The following SFMBT2 variants were observed in gnomAD, a reference collection of about 807,000 sequenced individuals.
The protein encoded by SFMBT2 is scm-like with four MBT domains protein 2.
A neutral mutation model predicts 110.1 loss-of-function variants in SFMBT2; 38 were observed. The observed-to-expected ratio is 0.35, with a 90% CI of 0.27 to 0.45. The LOEUF (loss-of-function observed/expected upper bound fraction) is 0.45, where lower values mean the gene tolerates loss of function less well. SFMBT2 is among the 20% of genes least tolerant of loss of function. The pLI is 1.00. For synonymous variants in SFMBT2, 425 were observed against 425.4 expected, an observed-to-expected ratio of 1.00 and a Z score of 0.01; for missense variants, 1,011 against 1,094.9, an observed-to-expected ratio of 0.92 and a Z score of 1.08.
Position 7,315,024 on chromosome 10 carries a change from GAGAA to G in SFMBT2, c.437-29074_437-29071del, listed in dbSNP as rs1224378774. Among the ~76,000 whole-genome samples the G allele has an allele frequency of 7.7e-5, 9 of 117,454 alleles. No individual in the cohort carries two copies. In the South Asian group the frequency reaches 7.9e-4, roughly 10 times the overall value. 77.1% of individuals were successfully genotyped at this position (117,454 alleles called of 152,430 possible). A position where few individuals can be genotyped will look rare whatever the true frequency, so the allele number is the denominator to read the frequency against. ...AAAAGAAAGAAAGAAAGAAAAGAGA[GAGAA>G]AGAAAGAAAGAGAAAGAAAGAAAGA... On this transcript the variant is annotated intron_variant, in intron 4 of 20. Coordinates refer to ENST00000397167, the MANE Select transcript of SFMBT2 (RefSeq NM_001387889.1).
At chr10:7,177,800 A>G (rs530819995) in intron 16 of SFMBT2, among the ~76,000 whole-genome samples, 1 of 152,108 alleles carries the variant, frequency 6.6e-6, no homozygotes, top group South Asian at 2.1e-4. Flanking sequence ...CAAGGCTGCA[A>G]TAAGCTATGA....
At chr10:7,227,770 C>T in intron 10 of SFMBT2, 85 bp downstream of exon 10, 1 of 1,176,750 alleles carries the variant, frequency 8.5e-7, no homozygotes, top group South Asian at 1.3e-5. Context: ...TCCAACCGTG[C>T]TTCATCAATA....
intron 1 of SFMBT2, among the ~76,000 whole-genome samples, chr10:7,383,215 G>A (rs886432244): frequency 6.6e-6 from 1 of 152,132 alleles, no homozygotes; most frequent in Non-Finnish European, 1.5e-5. Context: ...GAAGATTCAT[G>A]CCAGGTGCAG....
At chr10:7,366,061 G>C (rs990042662) in intron 4 of SFMBT2, among the ~76,000 whole-genome samples, 2 of 152,182 alleles carry the variant, frequency 1.3e-5, no homozygotes, top group Non-Finnish European at 2.9e-5. Flanking sequence ...GATAGGGTGT[G>C]ACCTGGCCCA....
chr10:7,361,466 T>C (rs1844716128), intron 4 of SFMBT2, among the ~76,000 whole-genome samples: 1 of 152,180 alleles, frequency 6.6e-6, no homozygotes, highest in African/African-American at 2.4e-5. Context: ...ACAGTAAAAA[T>C]GGCAATTCCC....
At chr10:7,174,121 C>T (rs575914435) in intron 17 of SFMBT2, among the ~76,000 whole-genome samples, 281 of 152,354 alleles carry the variant, frequency 1.8e-3, no homozygotes, top group Middle Eastern at 0.01. Context: ...TCCGGGAGCC[C>T]CGGCCTGTTC....
chr10:7,298,527 A>G (rs970246203), intron 4 of SFMBT2, among the ~76,000 whole-genome samples: 1 of 152,182 alleles, frequency 6.6e-6, no homozygotes, highest in Non-Finnish European at 1.5e-5. Context: ...ACTCATCAAC[A>G]GGTCTGGGAT....
intron 17 of SFMBT2, among the ~76,000 whole-genome samples, chr10:7,175,243 C>A (rs1838017634): frequency 6.6e-6 from 1 of 152,202 alleles, no homozygotes; most frequent in African/African-American, 2.4e-5. Context: ...AGGGAGAGAA[C>A]AGGACTCAGG....
chr10:7,196,436 C>T (rs559994227), intron 15 of SFMBT2, among the ~76,000 whole-genome samples: 58 of 152,338 alleles, frequency 3.8e-4, no homozygotes, highest in Middle Eastern at 3.4e-3. Flanking sequence ...ACACACTCTG[C>T]CTAAGCCAGA....
chr10:7,181,302 C>T (rs1838241370), intron 16 of SFMBT2, among the ~76,000 whole-genome samples: 1 of 150,790 alleles, frequency 6.6e-6, no homozygotes, highest in Non-Finnish European at 1.5e-5. Context: ...CAAAATACTC[C>T]AAATTCTGAA....
chr10:7,283,792 T>C, intron 6 of SFMBT2, 112 bp downstream of exon 6: 1 of 798,314 alleles, frequency 1.3e-6, no homozygotes, highest in South Asian at 1.7e-5. Context: ...AATATTCACA[T>C]ACTCAGATAT....
At position 7,302,854 on chromosome 10, in the gene SFMBT2, T is replaced by A. The variant is rs573252522; in HGVS notation, c.437-16900A>T. Among the ~76,000 whole-genome samples, 53 of 152,280 alleles carry A rather than the reference T, an allele frequency of 3.5e-4. No homozygotes were observed. The South Asian group carries it at 0.011, about 31-fold the overall frequency. On this transcript the variant is annotated intron_variant, in intron 4 of 20. Coordinates refer to ENST00000397167, the MANE Select transcript of SFMBT2 (RefSeq NM_001387889.1). ...GTATTTGAATAACTGACTCCCTCAC[T>A]CTCTCTCTCTTTTTCTTTCTTATCA... is the stretch of plus-strand genomic sequence containing the variant.
chr10:7,180,239 C>T lies in SFMBT2; in HGVS notation c.1809-4074G>A, dbSNP rs545644226. 1.7e-3 allele frequency among the ~76,000 whole-genome samples: 256 copies of T among 152,268 alleles called. 3 individuals carry two copies. Among genetic ancestry groups the T allele is most frequent in the African/African-American group, 5.8e-3 (240 of 41,528 alleles). On this transcript the variant is annotated intron_variant, in intron 16 of 20. Coordinates refer to ENST00000397167, the MANE Select transcript of SFMBT2 (RefSeq NM_001387889.1). ...TCCTGGGTTCTAGCGATTCTCATGC[C>T]TCAGCCTCCTGAGTCACTGGGAATA...
intron 4 of SFMBT2, among the ~76,000 whole-genome samples, chr10:7,287,199 C>T (rs868592173): frequency 6.6e-5 from 10 of 151,160 alleles, no homozygotes; most frequent in Middle Eastern, 6.9e-3. Flanking sequence ...CCTGCCTCAG[C>T]CTCCCGAGTA....
Position 7,324,188 on chromosome 10 carries a change from T to C in SFMBT2, c.437-38234A>G, listed in dbSNP as rs558894185. ...GATTTCTGAACACTTTATTTACCTT[T>C]TGTCCTTTCCTGAATCAAATGAATG... On this transcript the variant is annotated intron_variant, in intron 4 of 20. Coordinates refer to ENST00000397167, the MANE Select transcript of SFMBT2 (RefSeq NM_001387889.1). 7.9e-5 allele frequency among the ~76,000 whole-genome samples: 12 copies of C among 152,350 alleles called. No homozygotes were observed. The East Asian group carries it at 2.3e-3, about 29-fold the overall frequency.
intron 4 of SFMBT2, among the ~76,000 whole-genome samples, chr10:7,300,027 G>C (rs193205229): frequency 6.6e-6 from 1 of 152,290 alleles, no homozygotes; most frequent in Admixed American, 6.5e-5. Flanking sequence ...GGACATGGAT[G>C]AAGCTGGAAG....
chr10:7,360,236 G>A (rs1844670991), intron 4 of SFMBT2, among the ~76,000 whole-genome samples: 1 of 152,214 alleles, frequency 6.6e-6, no homozygotes, highest in East Asian at 1.9e-4. Context: ...GGGAGGCCAA[G>A]GTGGAAAGAT....
At chr10:7,274,961 C>T (rs1191246450) in intron 7 of SFMBT2, among the ~76,000 whole-genome samples, 1 of 152,260 alleles carries the variant, frequency 6.6e-6, no homozygotes, top group Non-Finnish European at 1.5e-5. Context: ...TTTCTTCCCT[C>T]TTCAGAGTAG....
intron 9 of SFMBT2, among the ~76,000 whole-genome samples, chr10:7,239,251 AC>A (rs1199859130): frequency 9.9e-5 from 15 of 152,258 alleles, no homozygotes; most frequent in African/African-American, 3.6e-4. Flanking sequence ...AATTTAGACA[AC>A]CCAATACATT....
Sources: gnomAD v4.1 joint callset for allele counts (sites outside exome capture counted in the v4.1 genomes callset) on GRCh38, gnomAD v4.1.1 for gene constraint, MANE v1.5 for transcripts, NCBI Gene and HGNC (gene_info 2026-07-23, HGNC 2026-07-21) for gene names.